The following AMZ2 variants were observed in gnomAD, a reference collection of about 807,000 sequenced individuals.
AMZ2 encodes the protein archaemetzincin-2.
In AMZ2, 26 loss-of-function variants were observed where a neutral mutation model predicts 36.7. The observed-to-expected ratio is 0.71, with a 90% CI of 0.52 to 0.98. The LOEUF is 0.98. AMZ2 is among the 50% of genes least tolerant of loss of function. AMZ2 has a pLI of 0.00. For missense variants in AMZ2, 394 were observed against 430.5 expected (o/e 0.92, Z 0.75); for synonymous variants, 144 against 149.1 (o/e 0.97, Z 0.25).
intron 1 of AMZ2, among the ~76,000 whole-genome samples, chr17:68,211,117 A>G (rs1555725810): frequency 6.6e-6 from 1 of 151,680 alleles, no homozygotes; most frequent in African/African-American, 2.4e-5. Flanking sequence ...GGGCAAATTC[A>G]CAGGAAGTAA....
chr17:68,236,298 A>T (rs1373805816), intron 1 of AMZ2, among the ~76,000 whole-genome samples: 1 of 152,114 alleles, frequency 6.6e-6, no homozygotes, highest in African/African-American at 2.4e-5. Context: ...AAACACTTAA[A>T]CTATGTAAAT....
At position 68,248,288 on chromosome 17, in the gene AMZ2, T is replaced by C. The variant is rs1419207827; in HGVS notation, c.-418T>C. On this transcript the variant is annotated 5_prime_UTR_variant, in exon 1 of 7. Coordinates refer to ENST00000359904, the MANE Select transcript of AMZ2 (RefSeq NM_016627.5). ...GTGCCTCTAGGGAGCCAGGGAGGCC[T>C]TTCCCGAGGCTCCTGGGGAAGAAGA... 2 of 985,842 alleles carry C rather than the reference T, an allele frequency of 2.0e-6. No homozygotes were observed. Among genetic ancestry groups the C allele is most frequent in the Non-Finnish European group, 2.4e-6 (2 of 830,064 alleles). The allele number at this position is 985,842 out of a possible 1,614,324, so 61.1% of individuals were successfully genotyped here.
Position 68,251,053 on chromosome 17 carries a change from AC to A in AMZ2, c.462del (p.Asp154GlufsTer3). On this transcript the variant is annotated frameshift_variant, in exon 4 of 7. Coordinates refer to ENST00000359904, the MANE Select transcript of AMZ2 (RefSeq NM_016627.5). LOFTEE classifies it high-confidence loss of function. ...NTHNLQIHAG[D>X]ILKFLKKKKP... ...TTATGTATTTCTTTTTAAATAGGGG[AC>A]ATCCTGAAGTTCTTGAAAAAGAAGA... The A allele has an allele frequency of 6.2e-7, 1 of 1,609,124 alleles. No individual in the cohort carries two copies. Among genetic ancestry groups the A allele is most frequent in the Non-Finnish European group, 8.5e-7 (1 of 1,178,918 alleles).
chr17:68,229,818 G>A (rs1310163376), intron 1 of AMZ2, among the ~76,000 whole-genome samples: 8 of 152,166 alleles, frequency 5.3e-5, no homozygotes, highest in African/African-American at 1.7e-4. Flanking sequence ...GTGTAGCTCC[G>A]GAGTCCGGAG....
chr17:68,214,783 T>C (rs1555726847), intron 1 of AMZ2, among the ~76,000 whole-genome samples: 1 of 142,914 alleles, frequency 7.0e-6, no homozygotes, highest in Non-Finnish European at 1.6e-5. Flanking sequence ...AGTTAGTCTT[T>C]AACAATTTTT....
chr17:68,236,390 T>G (rs1169860114), intron 1 of AMZ2, among the ~76,000 whole-genome samples: 1 of 151,824 alleles, frequency 6.6e-6, no homozygotes, highest in African/African-American at 2.4e-5. Flanking sequence ...CACTACAAAA[T>G]AAATGTATTT....
chr17:68,227,438 T>C (rs6501315), intron 1 of AMZ2, among the ~76,000 whole-genome samples: 19,531 of 152,210 alleles, frequency 0.13, 1,541 homozygotes, highest in East Asian at 0.29. Context: ...CCACAAACCC[T>C]TGGTAGATTA....
intron 1 of AMZ2, among the ~76,000 whole-genome samples, chr17:68,209,207 T>A (rs11657852): frequency 6.6e-6 from 1 of 151,812 alleles, no homozygotes; most frequent in African/African-American, 2.4e-5. Context: ...CTTTTTTTTT[T>A]TTTTTTGATG....
At chr17:68,237,699 G>T (rs1476114822) in intron 1 of AMZ2, among the ~76,000 whole-genome samples, 6 of 152,140 alleles carry the variant, frequency 3.9e-5, no homozygotes, top group Admixed American at 3.9e-4. Flanking sequence ...GCAGTTTCCA[G>T]CTTTTGGGAA....
At chr17:68,249,891 C>G in intron 1 of AMZ2, 1 of 358,164 alleles carries the variant, frequency 2.8e-6, no homozygotes, top group Non-Finnish European at 5.2e-6. Flanking sequence ...AAGCAATCCT[C>G]CTATCCCAAA....
At chr17:68,247,749 G>A (rs1271793468), upstream of AMZ2, 1 of 985,536 alleles carries the variant, frequency 1.0e-6, no homozygotes, top group African/African-American at 1.7e-5. Flanking sequence ...CCCCAGCGAC[G>A]CGGGCGCATC....
Position 68,255,773 on chromosome 17 carries a change from C to G in AMZ2, c.824C>G (p.Ser275Cys). 6.2e-7 allele frequency: 1 copy of G among 1,614,156 alleles called. No homozygotes were observed. Among genetic ancestry groups the G allele is most frequent in the Non-Finnish European group, 8.5e-7 (1 of 1,180,032 alleles). Residue 275 changes from serine to cysteine, a missense_variant, in exon 6 of 7, where the codon TCC (serine) becomes TGC (cysteine). Coordinates refer to ENST00000359904, the MANE Select transcript of AMZ2 (RefSeq NM_016627.5). ...CQWLACLMQG[S>C]NHLEEADRRP... The stretch of plus-strand genomic sequence containing the variant: ...TGGCTTGCATGCCTCATGCAAGGCT[C>G]CAACCACTTGGAAGAAGCTGACCGG...
At chr17:68,222,160 A>G (rs1281470668) in intron 1 of AMZ2, among the ~76,000 whole-genome samples, 4 of 152,222 alleles carry the variant, frequency 2.6e-5, no homozygotes, top group Non-Finnish European at 5.9e-5. Flanking sequence ...TTTCTGGTGG[A>G]GCAACTGGAT....
At position 68,254,568 on chromosome 17, in the gene AMZ2, GTAAGT is replaced by G. The variant is rs781955874; in HGVS notation, c.750+4_750+8del. On this transcript the variant is annotated splice_donor_variant and splice_donor_5th_base_variant and intron_variant, in intron 5 of 6. Coordinates refer to ENST00000359904, the MANE Select transcript of AMZ2 (RefSeq NM_016627.5). LOFTEE classifies it high-confidence loss of function. ...TGTTTTACTACTTCGATCCTGTAAG[GTAAGT>G]TATTACAAAAATCTGACAGGACAGT... The G allele has an allele frequency of 1.2e-5, 19 of 1,607,298 alleles. No individual in the cohort carries two copies. The East Asian group carries it at 3.1e-4, about 26-fold the overall frequency.
chr17:68,245,241 G>A (rs1417228719), upstream of AMZ2, among the ~76,000 whole-genome samples: 2 of 151,036 alleles, frequency 1.3e-5, no homozygotes, highest in African/African-American at 4.9e-5. Flanking sequence ...GCACTAAGGT[G>A]TTTATTTGTT....
intron 1 of AMZ2, among the ~76,000 whole-genome samples, chr17:68,221,599 T>C (rs1220759016): frequency 6.6e-6 from 1 of 151,732 alleles, no homozygotes; most frequent in African/African-American, 2.4e-5. Context: ...TGGTGGCGGG[T>C]GCCTGTAGTC....
chr17:68,223,411 T>G (rs1267253236), intron 1 of AMZ2, among the ~76,000 whole-genome samples: 1 of 152,224 alleles, frequency 6.6e-6, no homozygotes, highest in Non-Finnish European at 1.5e-5. Flanking sequence ...CCAGCCTTAC[T>G]GTGCTCCATT....
chr17:68,223,766 A>G (rs1389585189), intron 1 of AMZ2, among the ~76,000 whole-genome samples: 1 of 151,768 alleles, frequency 6.6e-6, no homozygotes. Context: ...CCCAGGCTGG[A>G]GTGCAGTGGT....
rs1226553888 is a variant in AMZ2 at position 68,224,038 on chromosome 17, C to T, written c.-67+17800C>T. ...CCGAGTAGCTGGGACTACAGGCGCC[C>T]GCCACCACACCCGGCTAATTTTTTG... On this transcript the variant is annotated intron_variant, in intron 1 of 7. Coordinates refer to the AMZ2 transcript ENST00000674770. Among the ~76,000 whole-genome samples, 8 of 148,390 alleles carry T rather than the reference C, an allele frequency of 5.4e-5. No homozygotes were observed. In the South Asian group the frequency reaches 6.4e-4, roughly 12 times the overall value.
Sources: gnomAD v4.1 joint callset for allele counts (sites outside exome capture counted in the v4.1 genomes callset) on GRCh38, gnomAD v4.1.1 for gene constraint, MANE v1.5 for transcripts, NCBI Gene and HGNC (gene_info 2026-07-23, HGNC 2026-07-21) for gene names.